The following AGAP1 variants were observed in gnomAD, a reference collection of about 807,000 sequenced individuals.
AGAP1 encodes ArfGAP with GTPase domain, ankyrin repeat and PH domain 1, also known as arf-GAP with GTPase, ANK repeat and PH domain-containing protein 1.
In AGAP1, 29 loss-of-function variants were observed where a neutral mutation model predicts 105.3. The ratio of observed to expected loss-of-function variants is 0.28; its 90% CI spans 0.21 to 0.38. AGAP1 has a LOEUF of 0.38. Ranked by LOEUF, AGAP1 falls within the 10% of genes least tolerant of loss-of-function variation. AGAP1 has a pLI of 1.00. For missense variants in AGAP1, 998 were observed against 1,165.1 expected, an observed-to-expected ratio of 0.86 and a Z score of 2.09; for synonymous variants, 509 against 485.9, an observed-to-expected ratio of 1.05 and a Z score of -0.63.
intron 1 of AGAP1, among the ~76,000 whole-genome samples, chr2:235,534,559 C>T (rs938110495): frequency 2.0e-5 from 3 of 152,200 alleles, no homozygotes; most frequent in African/African-American, 7.2e-5. Context: ...GTTTCAGCCT[C>T]AAGGTCATTT....
rs979985379 is a variant in AGAP1 at position 235,714,666 on chromosome 2, A to G, written c.223-2891A>G. ...GTGGGAGCGGCCAGGACTGGGTGAC[A>G]GAGAACATTTGGATCCATGAGCCAT... On this transcript the variant is annotated intron_variant, in intron 2 of 17. Coordinates refer to ENST00000304032, the MANE Select transcript of AGAP1 (RefSeq NM_001037131.3). This position sits in a 1 kb window ranked among gnomAD's most constrained non-coding sequence, Gnocchi z 4.1. Among the ~76,000 whole-genome samples the G allele has an allele frequency of 1.3e-4, 20 of 151,604 alleles. No individual in the cohort carries two copies. The highest frequency in any genetic ancestry group is 3.9e-4 in the African/African-American group (16 of 40,948).
intron 1 of AGAP1, among the ~76,000 whole-genome samples, chr2:235,554,133 G>A (rs1241217387): frequency 6.6e-6 from 1 of 152,236 alleles, no homozygotes; most frequent in Non-Finnish European, 1.5e-5. Context: ...AGGACTTTTG[G>A]GAGAAGCAGA....
chr2:236,035,497 C>G lies in AGAP1; in HGVS notation c.1646-1064C>G, dbSNP rs1224848349. Among the ~76,000 whole-genome samples the G allele has an allele frequency of 6.6e-6, 1 of 152,138 alleles. No individual in the cohort carries two copies. The highest frequency in any genetic ancestry group is 1.9e-4 in the East Asian group (1 of 5,144). ...TAACAATTGGCCAGGTGTGATGGTA[C>G]ACACCTGTAGTCCGAGCTACTCAGG... On this transcript the variant is annotated intron_variant, in intron 13 of 17. Transcript: ENST00000304032. The surrounding 1 kb of genome is among the most constrained non-coding windows in gnomAD (Gnocchi z 4.2).
At chr2:235,833,723 C>T (rs1959744678) in intron 9 of AGAP1, among the ~76,000 whole-genome samples, 2 of 152,026 alleles carry the variant, frequency 1.3e-5, no homozygotes, top group African/African-American at 2.4e-5. Context: ...CAAATGGGAT[C>T]CCACTACAAA....
Position 235,596,526 on chromosome 2 carries a change from C to T in AGAP1, c.163+101677C>T, listed in dbSNP as rs183572706. Among the ~76,000 whole-genome samples the T allele has an allele frequency of 5.2e-3, 789 of 152,306 alleles. 7 individuals are homozygous for T. Among genetic ancestry groups the T allele is most frequent in the Non-Finnish European group, 4.7e-3 (317 of 68,024 alleles). ...TTCTGGTGAGCCACAGGTAGCACCC[C>T]GGCTGCTGGTCCCTGGTCTGGGGAA... On this transcript the variant is annotated intron_variant, in intron 1 of 17. Coordinates refer to ENST00000304032, the MANE Select transcript of AGAP1 (RefSeq NM_001037131.3). This position sits in a 1 kb window ranked among gnomAD's most constrained non-coding sequence, Gnocchi z 5.9.
Position 235,599,286 on chromosome 2 carries a change from T to C in AGAP1, c.163+104437T>C, listed in dbSNP as rs932268935. On this transcript the variant is annotated intron_variant, in intron 1 of 17. Coordinates refer to ENST00000304032, the MANE Select transcript of AGAP1 (RefSeq NM_001037131.3). The surrounding 1 kb of genome is among the most constrained non-coding windows in gnomAD (Gnocchi z 5.3). ...CCTGTGGGCTGCAGTACGTTTACAC[T>C]GTGTGTTGGGGGGGTGGCAGTGTGC... is the stretch of plus-strand genomic sequence containing the variant. Among the ~76,000 whole-genome samples the C allele has an allele frequency of 6.6e-6, 1 of 152,090 alleles. No individual in the cohort carries two copies. The highest frequency in any genetic ancestry group is 2.4e-5 in the African/African-American group (1 of 41,416).
chr2:235,580,564 C>T (rs956520821), intron 1 of AGAP1, among the ~76,000 whole-genome samples: 2 of 152,104 alleles, frequency 1.3e-5, no homozygotes, highest in African/African-American at 2.4e-5. Flanking sequence ...GAATAAATGA[C>T]ATTAACATAT....
At chr2:235,669,620 A>C (rs1948259123) in intron 1 of AGAP1, 1 of 128,008 alleles carries the variant, frequency 7.8e-6, no homozygotes, top group African/African-American at 3.1e-5. Flanking sequence ...TTCCATTTTA[A>C]ACCGCCGCCC....
chr2:235,761,353 G>A (rs556380700), intron 6 of AGAP1, among the ~76,000 whole-genome samples: 1 of 152,254 alleles, frequency 6.6e-6, no homozygotes, highest in South Asian at 2.1e-4. Context: ...CTCTCACACT[G>A]CCAACATTAG....
In AGAP1 at chr2:236,128,413, A is replaced by C. The variant is rs936880500; in HGVS notation, c.*4291A>C. ...CCGTTGCCATGAGCCGCTGTGACTC[A>C]CGCGTGCACTGGGCCTTGCTTGGTG... On this transcript the variant is annotated 3_prime_UTR_variant, in exon 18 of 18. Coordinates refer to ENST00000304032, the MANE Select transcript of AGAP1 (RefSeq NM_001037131.3). The surrounding 1 kb of genome is among the most constrained non-coding windows in gnomAD (Gnocchi z 5.9). 2 of 152,190 alleles carry C rather than the reference A, an allele frequency of 1.3e-5. No individual in the cohort carries two copies. The highest frequency in any genetic ancestry group is 2.9e-5 in the Non-Finnish European group (2 of 68,084). The allele number at this position is 152,190 out of a possible 1,614,324, so 9.4% of individuals were successfully genotyped here. A position where few individuals can be genotyped will look rare whatever the true frequency, so the allele number is the denominator to read the frequency against.
rs555063092 is a variant in AGAP1, at chr2:235,970,879, G to A, written c.1645+2256G>A. ...GATGGTATGTGTGTGCGAGGCAATA[G>A]TGGATACCCAGGCTGAGACACGGGC... On this transcript the variant is annotated intron_variant, in intron 13 of 17. Coordinates refer to ENST00000304032, the MANE Select transcript of AGAP1 (RefSeq NM_001037131.3). The surrounding 1 kb of genome is among the most constrained non-coding windows in gnomAD (Gnocchi z 5.4). 6.6e-6 allele frequency among the ~76,000 whole-genome samples: 1 copy of A among 152,328 alleles called. No homozygotes were observed. The highest frequency in any genetic ancestry group is 1.5e-5 in the Non-Finnish European group (1 of 68,028).
intron 12 of AGAP1, among the ~76,000 whole-genome samples, chr2:235,944,878 C>G (rs1008722261): frequency 6.6e-6 from 1 of 152,162 alleles, no homozygotes; most frequent in Non-Finnish European, 1.5e-5. Context: ...TCCTACACCA[C>G]CTTCTGAAGC....
Position 235,904,768 on chromosome 2 carries a change from A to G in AGAP1, c.1156-3970A>G, listed in dbSNP as rs1353160538. ...AAGCTGGGGAGAGATGAAAAGGATC[A>G]GTTCTTTCAAAACCAGAAAGCTCAG... On this transcript the variant is annotated intron_variant, in intron 10 of 17. Transcript: ENST00000304032. This position sits in a 1 kb window ranked among gnomAD's most constrained non-coding sequence, Gnocchi z 4.2. Among the ~76,000 whole-genome samples the G allele has an allele frequency of 2.0e-5, 3 of 152,210 alleles. No individual in the cohort carries two copies. Among genetic ancestry groups the G allele is most frequent in the African/African-American group, 4.8e-5 (2 of 41,450 alleles).
intron 1 of AGAP1, among the ~76,000 whole-genome samples, chr2:235,564,846 A>G (rs2149144811): frequency 6.8e-6 from 1 of 147,366 alleles, no homozygotes; most frequent in East Asian, 2.1e-4. Context: ...ACCCACGGCC[A>G]GGTGTGAGCC....
intron 16 of AGAP1, among the ~76,000 whole-genome samples, chr2:236,093,341 C>A (rs1357521503): frequency 6.6e-6 from 1 of 152,138 alleles, no homozygotes. Context: ...GGGAAGGGAC[C>A]TGGACAGAGA....
In AGAP1 at chr2:235,793,678, G is replaced by A. The variant is rs1457928315; in HGVS notation, c.674-4081G>A. Among the ~76,000 whole-genome samples, 1 of 152,140 alleles carries A rather than the reference G, an allele frequency of 6.6e-6. No homozygotes were observed. Among genetic ancestry groups the A allele is most frequent in the Non-Finnish European group, 1.5e-5 (1 of 68,028 alleles). ...AAAAAGGAGGAAGGGGGAGGAGGAG[G>A]AGCTGTCCTCTGGTTATAGAGGGCG... On this transcript the variant is annotated intron_variant, in intron 6 of 17. Coordinates refer to ENST00000304032, the MANE Select transcript of AGAP1 (RefSeq NM_001037131.3). The surrounding 1 kb of genome is among the most constrained non-coding windows in gnomAD (Gnocchi z 5.3).
intron 1 of AGAP1, among the ~76,000 whole-genome samples, chr2:235,542,284 C>G (rs1943472031): frequency 6.6e-6 from 1 of 152,200 alleles, no homozygotes; most frequent in South Asian, 2.1e-4. Context: ...GAGACCCATC[C>G]TGAGCATAAG....
chr2:235,496,763 G>GAAA lies in AGAP1; in HGVS notation c.163+1922_163+1924dup, dbSNP rs10701236. Among the ~76,000 whole-genome samples the GAAA allele has an allele frequency of 6.6e-4, 99 of 150,594 alleles. 1 individual carries two copies. Among genetic ancestry groups the GAAA allele is most frequent in the African/African-American group, 1.4e-3 (56 of 41,122 alleles). ...TTGCATTTTCCTTTCTCCCTTAAAA[G>GAAA]AAAAAAAAAATGCGTCGTTCCTAGA... On this transcript the variant is annotated intron_variant, in intron 1 of 17. Transcript: ENST00000304032.
In AGAP1 at chr2:235,983,491, C is replaced by A. The variant is rs1419060030; in HGVS notation, c.1645+14868C>A. 6.6e-6 allele frequency among the ~76,000 whole-genome samples: 1 copy of A among 152,070 alleles called. No individual in the cohort carries two copies. The highest frequency in any genetic ancestry group is 2.4e-5 in the African/African-American group (1 of 41,388). On this transcript the variant is annotated intron_variant, in intron 13 of 17. Transcript: ENST00000304032. The surrounding 1 kb of genome is among the most constrained non-coding windows in gnomAD (Gnocchi z 4.5). ...TTTTTCTTCTTTTCCCATCCATAAC[C>A]TCATCATTGTCTTTTTCTCCCTTTC...
Sources: allele counts gnomAD v4.1 joint callset (sites outside exome capture counted in the v4.1 genomes callset), GRCh38; gene constraint gnomAD v4.1.1; non-coding constraint Gnocchi (gnomAD v3.1); transcripts MANE v1.5; gene names NCBI Gene and HGNC (gene_info 2026-07-23, HGNC 2026-07-21).